TMEM178A: variants seen among roughly 807,000 people sequenced by gnomAD.
The protein encoded by TMEM178A is transmembrane protein 178A, also known as transmembrane protein 178.
Under a neutral mutation model 29.1 loss-of-function variants are expected in TMEM178A, and 12 were observed. The ratio of observed to expected loss-of-function variants is 0.41; its 90% CI spans 0.26 to 0.67. The LOEUF (loss-of-function observed/expected upper bound fraction) is 0.67. Among genes scored for constraint, TMEM178A ranks in the 30% least tolerant of loss-of-function variants. TMEM178A has a pLI of 0.29. For synonymous variants in TMEM178A, 210 were observed against 187.2 expected, an observed-to-expected ratio of 1.12 and a Z score of -0.99; for missense variants, 366 against 419.1, an observed-to-expected ratio of 0.87 and a Z score of 1.11.
At chr2:39,724,019 A>G in the TMEM178A span, among the ~76,000 whole-genome samples, 1 of 152,238 alleles carries the variant, frequency 6.6e-6, no homozygotes, top group Non-Finnish European at 1.5e-5. Context: ...TTCTGTAAAG[A>G]ATGCCAGACC....
At chr2:39,706,624 C>CT (rs11389670) in intron 2 of TMEM178A, among the ~76,000 whole-genome samples, 89,397 of 151,848 alleles carry the variant, frequency 0.59, 28,274 homozygotes, top group East Asian at 0.84. Flanking sequence ...ACCTACATTT[C>CT]TTTTTTTTCC....
chr2:39,683,007 G>A lies in TMEM178A; in HGVS notation c.400+16633G>A, dbSNP rs539760070. Among the ~76,000 whole-genome samples the A allele has an allele frequency of 2.6e-5, 4 of 152,314 alleles. No homozygotes were observed. In the East Asian group the frequency reaches 7.7e-4, roughly 29 times the overall value. On this transcript the variant is annotated intron_variant, in intron 1 of 3. Coordinates refer to ENST00000281961, the MANE Select transcript of TMEM178A (RefSeq NM_152390.3). ...AAGCAGATACAGGGGGATGGCAGTG[G>A]CAAAGGCTGAATTAGGACCCATGGA...
the TMEM178A span, among the ~76,000 whole-genome samples, chr2:39,725,887 G>C: frequency 4.2e-3 from 646 of 152,270 alleles, 5 homozygotes; most frequent in African/African-American, 0.014. Context: ...CAATACTGTG[G>C]AACAAAGACA....
chr2:39,727,630 G>A, the TMEM178A span, among the ~76,000 whole-genome samples: 84,222 of 151,874 alleles, frequency 0.55, 24,158 homozygotes, highest in East Asian at 0.75. Flanking sequence ...GGTTCGTTAC[G>A]TAGGTATACA....
At chr2:39,710,859 A>C (rs1049243310) in intron 3 of TMEM178A, among the ~76,000 whole-genome samples, 9 of 152,260 alleles carry the variant, frequency 5.9e-5, no homozygotes, top group Non-Finnish European at 1.3e-4. Context: ...AATGAAGAAC[A>C]TCAACCATGT....
the TMEM178A span, among the ~76,000 whole-genome samples, chr2:39,726,749 C>G: frequency 0.033 from 4,964 of 151,814 alleles, 274 homozygotes; most frequent in African/African-American, 0.11. Context: ...GCAAGAGTCA[C>G]AAAAAGGCAG....
rs1243360545 is a variant in TMEM178A at position 39,713,035 on chromosome 2, A to C, written c.653-3975A>C. 3.9e-5 allele frequency among the ~76,000 whole-genome samples: 6 copies of C among 152,150 alleles called. No homozygotes were observed. In the East Asian group the frequency reaches 1.2e-3, roughly 29 times the overall value. On this transcript the variant is annotated intron_variant, in intron 3 of 3. Transcript: ENST00000281961. ...GTTTCGTTCAGGTTTTCTTCACTCCATGTGCTCAGCTCTGTTGGACTCCAT... is the reference window on the plus strand; with the variant it reads ...GTTTCGTTCAGGTTTTCTTCACTCCCTGTGCTCAGCTCTGTTGGACTCCAT...
At chr2:39,732,202 C>T in the TMEM178A span, among the ~76,000 whole-genome samples, 1 of 152,160 alleles carries the variant, frequency 6.6e-6, no homozygotes, top group Non-Finnish European at 1.5e-5. Context: ...CTGTCTTTCA[C>T]CCTGAGTGGG....
At chr2:39,719,493 C>T (rs1375435356), downstream of TMEM178A, among the ~76,000 whole-genome samples, 1 of 152,160 alleles carries the variant, frequency 6.6e-6, no homozygotes, top group African/African-American at 2.4e-5. Flanking sequence ...AAAGTGAGCT[C>T]GAAGCAACCA....
chr2:39,689,960 G>C (rs1671242902), intron 1 of TMEM178A, among the ~76,000 whole-genome samples: 1 of 152,198 alleles, frequency 6.6e-6, no homozygotes, highest in Admixed American at 6.5e-5. Flanking sequence ...TGCCAAGAGA[G>C]ACCACCTTGG....
intron 1 of TMEM178A, chr2:39,698,138 C>A (rs1431894067): frequency 2.0e-4 from 31 of 152,168 alleles, no homozygotes; most frequent in Admixed American, 2.0e-3. Context: ...GCAACTCTAG[C>A]TTAACTATCC....
intron 1 of TMEM178A, among the ~76,000 whole-genome samples, chr2:39,697,271 G>A (rs1671584313): frequency 6.6e-6 from 1 of 152,144 alleles, no homozygotes; most frequent in Non-Finnish European, 1.5e-5. Flanking sequence ...GTTTCATTTT[G>A]TCAATTTAAT....
chr2:39,684,435 CACAA>C (rs1670990101), intron 1 of TMEM178A, among the ~76,000 whole-genome samples: 1 of 152,166 alleles, frequency 6.6e-6, no homozygotes, highest in African/African-American at 2.4e-5. Context: ...CTAATGTATA[CACAA>C]ACATATTATT....
At chr2:39,691,349 T>A (rs1671310812) in intron 1 of TMEM178A, among the ~76,000 whole-genome samples, 1 of 152,184 alleles carries the variant, frequency 6.6e-6, no homozygotes, top group African/African-American at 2.4e-5. Flanking sequence ...TACCAGTGGA[T>A]TTCTCAGCAG....
the TMEM178A span, among the ~76,000 whole-genome samples, chr2:39,735,646 A>G: frequency 1.3e-5 from 2 of 152,228 alleles, no homozygotes; most frequent in Non-Finnish European, 1.5e-5. Context: ...CCATTATCAG[A>G]GTCCCAGCTG....
intron 3 of TMEM178A, among the ~76,000 whole-genome samples, chr2:39,715,325 TCTAA>T (rs1672489096): frequency 6.6e-6 from 1 of 152,274 alleles, no homozygotes; most frequent in Non-Finnish European, 1.5e-5. Context: ...GATTATTTTT[TCTAA>T]CTGCCTATTG....
At chr2:39,692,495 C>A (rs1289240595) in intron 1 of TMEM178A, among the ~76,000 whole-genome samples, 1 of 151,542 alleles carries the variant, frequency 6.6e-6, no homozygotes, top group Non-Finnish European at 1.5e-5. Flanking sequence ...TGTATTTTAC[C>A]ACAATAAGAA....
chr2:39,731,072 C>T, the TMEM178A span, among the ~76,000 whole-genome samples: 1 of 152,326 alleles, frequency 6.6e-6, no homozygotes, highest in South Asian at 2.1e-4. Context: ...GTCTCACTGT[C>T]ATCCCTGTAA....
intron 1 of TMEM178A, among the ~76,000 whole-genome samples, chr2:39,679,581 C>T (rs1486579549): frequency 6.6e-6 from 1 of 151,986 alleles, no homozygotes; most frequent in Non-Finnish European, 1.5e-5. Context: ...GTTTTTGTCT[C>T]TTTACTTATC....
Sources: gnomAD v4.1 joint callset for allele counts (sites outside exome capture counted in the v4.1 genomes callset) on GRCh38, gnomAD v4.1.1 for gene constraint, MANE v1.5 for transcripts, NCBI Gene and HGNC (gene_info 2026-07-23, HGNC 2026-07-21) for gene names.